The following MYMK variants were observed in gnomAD, a reference collection of about 807,000 sequenced individuals.
The protein encoded by MYMK is myomaker, myoblast fusion factor.
In MYMK, 16 loss-of-function variants were observed where a neutral mutation model predicts 22.4. The ratio of observed to expected loss-of-function variants is 0.72; its 90% confidence interval spans 0.48 to 1.09. MYMK has a LOEUF of 1.09. Ranked by LOEUF, MYMK falls within the 50% of genes least tolerant of loss-of-function variation. The pLI is 0.00. For missense variants in MYMK, 250 were observed against 295.6 expected, an observed-to-expected ratio of 0.85 and a Z score of 1.13; for synonymous variants, 125 against 127.0, an observed-to-expected ratio of 0.98 and a Z score of 0.11.
At chr9:133,524,573 A>G in intron 1 of MYMK, 137 bp downstream of exon 1, 1 of 1,306,454 alleles carries the variant, frequency 7.7e-7, no homozygotes. Context: ...CAGTCTCCAG[A>G]CCCCACCTGG....
intron 2 of MYMK, 74 bp downstream of exon 2, chr9:133,520,100 T>C: frequency 1.7e-6 from 2 of 1,192,946 alleles, no homozygotes; most frequent in Non-Finnish European, 1.2e-6. Flanking sequence ...CGGGACTGGT[T>C]TGAGGCTGGG....
At chr9:133,519,157 G>A in intron 2 of MYMK, 135 bp from the exon 3 acceptor site, 1 of 1,122,732 alleles carries the variant, frequency 8.9e-7, no homozygotes, top group Non-Finnish European at 1.3e-6. Context: ...GCGAGACCCT[G>A]AGGCCCAGCC....
intron 1 of MYMK, among the ~76,000 whole-genome samples, chr9:133,523,774 G>A (rs1017322867): frequency 1.3e-5 from 2 of 150,936 alleles, no homozygotes; most frequent in African/African-American, 2.5e-5. Context: ...AGAGTCAGGG[G>A]ACTAAAACCA....
chr9:133,524,714 A>G lies in MYMK; in HGVS notation c.131T>C (p.Val44Ala). The change falls in exon 1 of 5, where the codon GTG (valine) becomes GCG (alanine). Residue 44 changes from valine (V) to alanine (A), a missense_variant. Val to Ala is a moderately conservative substitution (Grantham distance 64). Transcript: ENST00000339996. ...AMVYLFTLFF[V>A]ALHHACNGPG... Reference sequence around the variant, plus strand: ...CCTCCCAGCCCCCAGACTCACCGCCACGAAGAACAGGGTGAAGAGGTAGAC... The same window carrying G: ...CCTCCCAGCCCCCAGACTCACCGCCGCGAAGAACAGGGTGAAGAGGTAGAC... 6.2e-7 allele frequency: 1 copy of G among 1,614,176 alleles called. No individual in the cohort carries two copies. The highest frequency in any genetic ancestry group is 8.5e-7 in the Non-Finnish European group (1 of 1,180,034).
Position 133,524,812 on chromosome 9 carries a change from G to A in MYMK, c.33C>T (p.Pro11=). The A allele has an allele frequency of 6.2e-7, 1 of 1,613,316 alleles. No individual in the cohort carries two copies. The highest frequency in any genetic ancestry group is 8.5e-7 in the Non-Finnish European group (1 of 1,179,670). The change falls in exon 1 of 5, where the codon CCC becomes CCT. Residue 11 remains proline, a synonymous_variant. Coordinates refer to ENST00000339996, the MANE Select transcript of MYMK (RefSeq NM_001080483.3). The part of the protein sequence containing the change: MGTLVAKLLL[P]TLSSLAFLPT... The stretch of plus-strand genomic sequence containing the variant: ...GGAGGAAGGCCAGGCTGCTGAGGGT[G>A]GGCAGGAGCAGCTTGGCCACCAGCG...
chr9:133,524,617 A>G, intron 1 of MYMK, 93 bp downstream of exon 1: 1 of 1,586,582 alleles, frequency 6.3e-7, no homozygotes, highest in Non-Finnish European at 8.6e-7. Flanking sequence ...ACTTCTGCTC[A>G]TCACCCAATA....
At chr9:133,520,026 C>G in intron 2 of MYMK, 148 bp downstream of exon 2, 1 of 608,128 alleles carries the variant, frequency 1.6e-6, no homozygotes, top group Non-Finnish European at 3.0e-6. Context: ...TAAGCACAAC[C>G]CTGAAACCCA....
At chr9:133,523,569 A>T (rs1844727913) in intron 1 of MYMK, among the ~76,000 whole-genome samples, 1 of 152,056 alleles carries the variant, frequency 6.6e-6, no homozygotes, top group Non-Finnish European at 1.5e-5. Context: ...AGTCGGAAAG[A>T]CCCAGAGGCA....
At chr9:133,524,418 G>C (rs569177979) in intron 1 of MYMK, among the ~76,000 whole-genome samples, 1 of 152,102 alleles carries the variant, frequency 6.6e-6, no homozygotes, top group Non-Finnish European at 1.5e-5. Context: ...AAAGGGGCAC[G>C]CTGGAAGGGT....
In MYMK at chr9:133,514,918, A is replaced by T. The variant is rs1034880335; in HGVS notation, c.517-133T>A. On this transcript the variant is annotated intron_variant, in intron 4 of 4. Transcript: ENST00000339996. ...GGGACACCTGCAGGAAGCCTCCCCC[A>T]CGGTCGCGCTCACAGTGGTTTTTCT... 5.1e-6 allele frequency: 5 copies of T among 986,994 alleles called. No homozygotes were observed. The African/African-American group carries it at 8.2e-5, about 16-fold the overall frequency. 61.1% of individuals were successfully genotyped at this position (986,994 alleles called of 1,614,324 possible). A position where few individuals can be genotyped will look rare whatever the true frequency, so the allele number is the denominator to read the frequency against.
Position 133,514,656 on chromosome 9 carries a change from G to C in MYMK, c.646C>G (p.Leu216Val), listed in dbSNP as rs771726516. 6.2e-7 allele frequency: 1 copy of C among 1,613,840 alleles called. No homozygotes were observed. Among genetic ancestry groups the C allele is most frequent in the Non-Finnish European group, 8.5e-7 (1 of 1,179,766 alleles). ...GTPAKLDCST[L>V]CCACV Reference sequence around the variant, plus strand: ...CAGCATCAGACACAAGCACAGCACAGGGTGGAGCAGTCCAGCTTGGCCGGG... The same window carrying C: ...CAGCATCAGACACAAGCACAGCACACGGTGGAGCAGTCCAGCTTGGCCGGG... Residue 216 changes from leucine to valine, a missense_variant, in exon 5 of 5, where the codon CTG becomes GTG. Physicochemically the swap from Leu to Val is conservative, Grantham distance 32. Coordinates refer to ENST00000339996, the MANE Select transcript of MYMK (RefSeq NM_001080483.3).
intron 2 of MYMK, among the ~76,000 whole-genome samples, chr9:133,519,506 G>A (rs1233957607): frequency 1.3e-5 from 2 of 152,196 alleles, no homozygotes; most frequent in South Asian, 2.1e-4. Flanking sequence ...GCTGCAGTGA[G>A]CCGTGTTTGT....
chr9:133,517,315 A>G (rs1844643242), intron 3 of MYMK, among the ~76,000 whole-genome samples: 1 of 152,076 alleles, frequency 6.6e-6, no homozygotes, highest in African/African-American at 2.4e-5. Context: ...TCAGCCCAGG[A>G]TTAGTGCTGC....
At position 133,519,013 on chromosome 9, in the gene MYMK, T is replaced by G; in HGVS notation, c.260A>C (p.Asp87Ala). Residue 87 changes from aspartate to alanine, a missense_variant, in exon 3 of 5, where the codon GAC (aspartate) becomes GCC (alanine). Asp to Ala is a moderately radical substitution (Grantham distance 126). Coordinates refer to ENST00000339996, the MANE Select transcript of MYMK (RefSeq NM_001080483.3). ...SMWVSLMALA[D>A]FDEPKRSTFV... ...TGTTGACCTCTTGGGTTCGTCGAAG[T>G]CGGCCAGTGCTGGAGGGGCCAGGGA... 6.2e-7 allele frequency: 1 copy of G among 1,613,744 alleles called. No individual in the cohort carries two copies. Among genetic ancestry groups the G allele is most frequent in the Non-Finnish European group, 8.5e-7 (1 of 1,179,974 alleles).
chr9:133,524,818 GA>G lies in MYMK; in HGVS notation c.26del (p.Leu9ProfsTer68). MGTLVAKL[L>X]LPTLSSLAFL... is the part of the protein sequence containing the mutation. ...AGGCCAGGCTGCTGAGGGTGGGCAG[GA>G]GCAGCTTGGCCACCAGCGTCCCCAT... On this transcript the variant is annotated frameshift_variant, in exon 1 of 5. Coordinates refer to ENST00000339996, the MANE Select transcript of MYMK (RefSeq NM_001080483.3). LOFTEE classifies it high-confidence loss of function. The G allele has an allele frequency of 6.2e-7, 1 of 1,612,768 alleles. No individual in the cohort carries two copies.
intron 1 of MYMK, among the ~76,000 whole-genome samples, chr9:133,524,151 G>A (rs915963638): frequency 4.6e-5 from 7 of 151,864 alleles, no homozygotes; most frequent in Admixed American, 1.3e-4. Context: ...AGAGAAAGAC[G>A]GACCCACAGA....
intron 4 of MYMK, 82 bp from the exon 5 acceptor site, chr9:133,514,867 C>T: frequency 6.9e-7 from 1 of 1,455,140 alleles, no homozygotes; most frequent in Non-Finnish European, 9.2e-7. Context: ...AGAGCCCCTT[C>T]AGGCCCCCGC....
At chr9:133,518,461 G>T (rs747241337) in intron 3 of MYMK, among the ~76,000 whole-genome samples, 1 of 152,266 alleles carries the variant, frequency 6.6e-6, no homozygotes, top group African/African-American at 2.4e-5. Context: ...GCAGCTGGTA[G>T]TAAGAGCGGT....
chr9:133,518,872 A>G lies in MYMK; in HGVS notation c.399+2T>C. ...GTTCATCGAGGCTCGCGCAGTACGC[A>G]CCCACTTTGCCGCGATGATGAGGAT... On this transcript the variant is annotated splice_donor_variant, in intron 3 of 4. Transcript: ENST00000339996. LOFTEE classifies it high-confidence loss of function. The G allele has an allele frequency of 6.2e-7, 1 of 1,611,670 alleles. No homozygotes were observed. Among genetic ancestry groups the G allele is most frequent in the Non-Finnish European group, 8.5e-7 (1 of 1,179,536 alleles).
Sources: gnomAD v4.1 joint callset for allele counts (sites outside exome capture counted in the v4.1 genomes callset) on GRCh38, gnomAD v4.1.1 for gene constraint, MANE v1.5 for transcripts, NCBI Gene and HGNC (gene_info 2026-07-23, HGNC 2026-07-21) for gene names.